ARHGAP44: variants seen among roughly 807,000 people sequenced by gnomAD.
ARHGAP44 encodes Rho GTPase activating protein 44.
Under a neutral mutation model 106.8 loss-of-function variants are expected in ARHGAP44, and 43 were observed. The observed-to-expected ratio is 0.40, with a 90% confidence interval of 0.32 to 0.52. The LOEUF (loss-of-function observed/expected upper bound fraction) is 0.52, where lower values mean the gene tolerates loss of function less well. ARHGAP44 is among the 20% of genes least tolerant of loss of function. The probability of loss-of-function intolerance (pLI) is 0.48; values close to 1 mark genes in which losing one functional copy is unlikely to be tolerated. For missense variants in ARHGAP44, 866 were observed against 1,050.5 expected (o/e 0.82, Z 2.43); for synonymous variants, 439 against 410.3 (o/e 1.07, Z -0.85).
chr17:12,805,242 G>C (rs893489153), intron 1 of ARHGAP44, among the ~76,000 whole-genome samples: 4 of 152,100 alleles, frequency 2.6e-5, no homozygotes, highest in African/African-American at 9.7e-5. Flanking sequence ...TTTAGTTGCT[G>C]TTGGTTCTGT....
chr17:12,870,605 C>A (rs1056289856), intron 1 of ARHGAP44, among the ~76,000 whole-genome samples: 7 of 152,186 alleles, frequency 4.6e-5, no homozygotes, highest in Admixed American at 2.0e-4. Context: ...TGATCCAGCT[C>A]CTAGTCCTGC....
At chr17:12,844,788 T>G (rs1322396476) in intron 1 of ARHGAP44, among the ~76,000 whole-genome samples, 1 of 152,236 alleles carries the variant, frequency 6.6e-6, no homozygotes, top group Non-Finnish European at 1.5e-5. Flanking sequence ...ATTTATTTTT[T>G]GCCTGCATTT....
chr17:12,916,098 T>C lies in ARHGAP44; in HGVS notation c.387+87T>C. 6 of 1,072,810 alleles carry C rather than the reference T, an allele frequency of 5.6e-6. No homozygotes were observed. In the Admixed American group the frequency reaches 1.3e-4, roughly 24 times the overall value. The allele number at this position is 1,072,810 out of a possible 1,614,324, so 66.5% of individuals were successfully genotyped here. On this transcript the variant is annotated intron_variant, in intron 5 of 20. Coordinates refer to ENST00000379672, the MANE Select transcript of ARHGAP44 (RefSeq NM_014859.6). ...AATCATTCTGTTTCCAGCATTCTAC[T>C]TCTTTCCCTTAACCTTCTCCCCAAC...
chr17:12,931,841 T>TACACACAAAC lies in ARHGAP44; in HGVS notation c.582+2802_582+2803insAACACACACA, dbSNP rs1213325834. On this transcript the variant is annotated intron_variant, in intron 7 of 20. Transcript: ENST00000379672. Reference sequence around the variant, plus strand: ...ATTGCATGATATTCCACAGTAGGGATACACACACACACACACACACACACA... The same window carrying TACACACAAAC: ...ATTGCATGATATTCCACAGTAGGGATACACACAAACACACACACACACACACACACACACA... Among the ~76,000 whole-genome samples the TACACACAAAC allele has an allele frequency of 6.2e-5, 9 of 146,304 alleles. No homozygotes were observed. The South Asian group carries it at 1.3e-3, about 22-fold the overall frequency.
chr17:12,972,570 C>G lies in ARHGAP44; in HGVS notation c.1524-732C>G, dbSNP rs1267261180. Reference sequence around the variant, plus strand: ...GGCTGAGGCAGGAGAATTGCTTGAACCCAGGAGGCAGAGGTTGCAGTGAGT... The same window carrying G: ...GGCTGAGGCAGGAGAATTGCTTGAAGCCAGGAGGCAGAGGTTGCAGTGAGT... On this transcript the variant is annotated intron_variant, in intron 16 of 20. Transcript: ENST00000379672. Among the ~76,000 whole-genome samples the G allele has an allele frequency of 2.0e-5, 3 of 151,454 alleles. No homozygotes were observed. In the South Asian group the frequency reaches 6.3e-4, roughly 32 times the overall value.
rs188837637 is a variant in ARHGAP44, at chr17:12,825,699, A to T, written c.53+35808A>T. The stretch of plus-strand genomic sequence containing the variant: ...AAGTCTACTGATTTAAATGTTACTT[A>T]CATCTAAAAAATAATTCACAGTGAG... On this transcript the variant is annotated intron_variant, in intron 1 of 20. Transcript: ENST00000379672. Among the ~76,000 whole-genome samples the T allele has an allele frequency of 1.3e-4, 20 of 152,316 alleles. No homozygotes were observed. In the East Asian group the frequency reaches 3.9e-3, roughly 29 times the overall value.
chr17:12,947,920 GGGAGTTA>G (rs1335145184), intron 10 of ARHGAP44, among the ~76,000 whole-genome samples: 1 of 152,190 alleles, frequency 6.6e-6, no homozygotes, highest in Non-Finnish European at 1.5e-5. Flanking sequence ...ATATTGAGAA[GGGAGTTA>G]GTGATCCTAG....
At chr17:12,942,710 A>G (rs2038742326) in intron 8 of ARHGAP44, among the ~76,000 whole-genome samples, 1 of 152,222 alleles carries the variant, frequency 6.6e-6, no homozygotes, top group African/African-American at 2.4e-5. Flanking sequence ...CTTCAAGCAG[A>G]TTAATTTCCT....
chr17:12,816,201 C>T (rs1361383057), intron 1 of ARHGAP44, among the ~76,000 whole-genome samples: 3 of 152,128 alleles, frequency 2.0e-5, no homozygotes, highest in Non-Finnish European at 4.4e-5. Context: ...GTTTGAGCCT[C>T]TTGGTTTTTA....
At chr17:12,972,392 A>T (rs377262438) in intron 16 of ARHGAP44, among the ~76,000 whole-genome samples, 23 of 152,188 alleles carry the variant, frequency 1.5e-4, no homozygotes, top group East Asian at 1.4e-3. Flanking sequence ...TCACACCTGT[A>T]ATCCCAGCAC....
rs1179184803 is a variant in ARHGAP44 at position 12,990,215 on chromosome 17, C to T, written c.*44C>T. On this transcript the variant is annotated 3_prime_UTR_variant, in exon 21 of 21. Coordinates refer to ENST00000379672, the MANE Select transcript of ARHGAP44 (RefSeq NM_014859.6). Reference sequence around the variant, plus strand: ...GCCTCGCGTGTACATACATCACGGGCCCTAGGAACGCCGCCAGGAGCAGCG... The same window carrying T: ...GCCTCGCGTGTACATACATCACGGGTCCTAGGAACGCCGCCAGGAGCAGCG... 2 of 1,578,482 alleles carry T rather than the reference C, an allele frequency of 1.3e-6. No homozygotes were observed. The highest frequency in any genetic ancestry group is 8.7e-7 in the Non-Finnish European group (1 of 1,153,170).
intron 1 of ARHGAP44, among the ~76,000 whole-genome samples, chr17:12,836,562 T>C (rs983711316): frequency 5.3e-5 from 8 of 151,704 alleles, no homozygotes; most frequent in African/African-American, 1.9e-4. Flanking sequence ...GCAGGACAAT[T>C]GCTTGAACCC....
intron 1 of ARHGAP44, among the ~76,000 whole-genome samples, chr17:12,866,843 A>G (rs2036251298): frequency 2.6e-5 from 4 of 152,120 alleles, no homozygotes; most frequent in Admixed American, 2.6e-4. Context: ...CTTGGTGCTG[A>G]CTTTTCATCT....
At chr17:12,912,828 C>T (rs972640577) in intron 4 of ARHGAP44, among the ~76,000 whole-genome samples, 7 of 152,092 alleles carry the variant, frequency 4.6e-5, no homozygotes, top group African/African-American at 7.2e-5. Flanking sequence ...TTTCAATCAA[C>T]GAGAGGGCAG....
rs2033914183 is a variant in ARHGAP44 at position 12,796,184 on chromosome 17, A to G, written c.53+6293A>G. Among the ~76,000 whole-genome samples, 4 of 150,732 alleles carry G rather than the reference A, an allele frequency of 2.7e-5. No individual in the cohort carries two copies. The South Asian group carries it at 8.3e-4, about 31-fold the overall frequency. The stretch of plus-strand genomic sequence containing the variant: ...TCTATCTATTCTTTAAAAAGAGTAC[A>G]GACCATACTCTGTATACTGTTTTGT... On this transcript the variant is annotated intron_variant, in intron 1 of 20. Transcript: ENST00000379672.
rs1252822850 is a variant in ARHGAP44 at position 12,952,534 on chromosome 17, A to G, written c.1089A>G (p.Leu363=). The G allele has an allele frequency of 1.3e-6, 2 of 1,581,914 alleles. No individual in the cohort carries two copies. Among genetic ancestry groups the G allele is most frequent in the Admixed American group, 1.8e-5 (1 of 55,332 alleles). The change falls in exon 13 of 21, where the codon CTA becomes CTG. Residue 363 remains leucine, a synonymous_variant. Transcript: ENST00000379672. The stretch of plus-strand genomic sequence containing the variant: ...AGCAAGACAAGAAGCTTCAGGCTCT[A>G]TGGAATGCTTGTGAAAAGTTGCCCA... The part of the protein sequence containing the change: ...VQEQDKKLQA[L]WNACEKLPKA...
chr17:12,798,506 A>G (rs1231544020), intron 1 of ARHGAP44, among the ~76,000 whole-genome samples: 1 of 152,172 alleles, frequency 6.6e-6, no homozygotes, highest in Non-Finnish European at 1.5e-5. Context: ...CATCATTGAT[A>G]CATCAATGAT....
chr17:12,845,025 A>G (rs2035523679), intron 1 of ARHGAP44, among the ~76,000 whole-genome samples: 1 of 152,170 alleles, frequency 6.6e-6, no homozygotes, highest in Admixed American at 6.5e-5. Flanking sequence ...CTCTGTCATC[A>G]GTATTGGGAG....
intron 13 of ARHGAP44, chr17:12,955,630 A>T: frequency 2.4e-6 from 1 of 424,870 alleles, no homozygotes; most frequent in Non-Finnish European, 4.3e-6. Flanking sequence ...CTTTCTGGCC[A>T]GTGTTAGTTG....
Sources: gnomAD v4.1 joint callset for allele counts (sites outside exome capture counted in the v4.1 genomes callset) on GRCh38, gnomAD v4.1.1 for gene constraint, MANE v1.5 for transcripts, NCBI Gene and HGNC (gene_info 2026-07-23, HGNC 2026-07-21) for gene names.